URI1: variants seen among roughly 807,000 people sequenced by gnomAD.
URI1 encodes unconventional prefoldin RPB5 interactor 1.
Under a neutral mutation model 60.2 loss-of-function variants are expected in URI1, and 39 were observed. The ratio of observed to expected loss-of-function variants is 0.65; its 90% CI spans 0.50 to 0.85. The LOEUF (loss-of-function observed/expected upper bound fraction) is 0.85, where lower values mean the gene tolerates loss of function less well. Among genes scored for constraint, URI1 ranks in the 40% least tolerant of loss-of-function variants. The pLI is 0.00. For synonymous variants in URI1, 251 were observed against 236.8 expected, an observed-to-expected ratio of 1.06 and a Z score of -0.55; for missense variants, 691 against 665.9, an observed-to-expected ratio of 1.04 and a Z score of -0.42.
At chr19:29,982,102 C>T (rs1321620066) in intron 2 of URI1, among the ~76,000 whole-genome samples, 2 of 152,204 alleles carry the variant, frequency 1.3e-5, no homozygotes. Context: ...GTTCCTCAAG[C>T]TGTAGTTTCT....
chr19:29,970,681 T>C (rs1422064508), intron 1 of URI1, among the ~76,000 whole-genome samples: 6 of 152,096 alleles, frequency 3.9e-5, no homozygotes, highest in Admixed American at 3.9e-4. Flanking sequence ...CTTGAAAATG[T>C]AGTAGAAAAA....
intron 1 of URI1, among the ~76,000 whole-genome samples, chr19:29,968,846 C>T (rs2072072748): frequency 6.6e-6 from 1 of 151,786 alleles, no homozygotes; most frequent in African/African-American, 2.4e-5. Flanking sequence ...GCTGGGATTA[C>T]AGGCGTGAGC....
intron 2 of URI1, among the ~76,000 whole-genome samples, chr19:29,976,247 C>T (rs755771938): frequency 5.3e-5 from 8 of 152,162 alleles, no homozygotes; most frequent in Admixed American, 2.0e-4. Flanking sequence ...GAAACAACCA[C>T]CATTTACTTG....
In URI1 at chr19:29,988,818, A is replaced by C. The variant is rs2055706430; in HGVS notation, c.367+2401A>C. 2.0e-5 allele frequency among the ~76,000 whole-genome samples: 3 copies of C among 152,178 alleles called. No individual in the cohort carries two copies. The South Asian group carries it at 6.2e-4, about 32-fold the overall frequency. ...AAATACCTACAAGTGAGATTGTTAG[A>C]TCATATGATAAATGTATGTTCAATT... On this transcript the variant is annotated intron_variant, in intron 4 of 10. Coordinates refer to ENST00000392271, the MANE Select transcript of URI1 (RefSeq NM_003796.3).
At chr19:29,956,915 A>T in intron 1 of URI1, 2 of 1,115,018 alleles carry the variant, frequency 1.8e-6, no homozygotes, top group South Asian at 2.5e-5. Flanking sequence ...CTTTATGATA[A>T]CTGTGCGTCC....
chr19:30,004,752 A>G (rs1354377496), intron 4 of URI1, among the ~76,000 whole-genome samples: 1 of 152,046 alleles, frequency 6.6e-6, no homozygotes, highest in Non-Finnish European at 1.5e-5. Context: ...TTTGTCCAGT[A>G]TTGGGTAGAG....
chr19:30,009,453 G>A (rs1251178884), intron 8 of URI1, 100 bp downstream of exon 8: 14 of 1,136,356 alleles, frequency 1.2e-5, no homozygotes, highest in Non-Finnish European at 1.3e-6. Context: ...TATCATTGTG[G>A]ATAGTGCCAG....
At chr19:29,957,956 TTTG>T (rs1407099353) in intron 1 of URI1, 1 of 152,142 alleles carries the variant, frequency 6.6e-6, no homozygotes, top group South Asian at 2.1e-4. Flanking sequence ...TCTAAAATTT[TTTG>T]TTGTTGTTAA....
intron 1 of URI1, among the ~76,000 whole-genome samples, chr19:29,962,124 T>A (rs1170158178): frequency 6.6e-6 from 1 of 152,208 alleles, no homozygotes; most frequent in East Asian, 1.9e-4. Context: ...TCACAAGGGT[T>A]CCAGTCCACA....
At chr19:29,972,315 T>G (rs1156484130) in intron 2 of URI1, among the ~76,000 whole-genome samples, 1 of 152,108 alleles carries the variant, frequency 6.6e-6, no homozygotes, top group Non-Finnish European at 1.5e-5. Flanking sequence ...GTGGTGTAAG[T>G]GTGTTAGCAT....
upstream of URI1, among the ~76,000 whole-genome samples, chr19:29,941,430 G>C (rs1802034635): frequency 6.6e-6 from 1 of 152,052 alleles, no homozygotes. Context: ...AGACCAGCCT[G>C]GGCAACATAG....
At chr19:29,983,265 G>A (rs1188297607) in intron 2 of URI1, 1 of 152,180 alleles carries the variant, frequency 6.6e-6, no homozygotes, top group Non-Finnish European at 1.5e-5. Context: ...TGATAGAGGA[G>A]ATCTGGCTTC....
At chr19:29,986,112 T>G (rs974114291) in intron 3 of URI1, among the ~76,000 whole-genome samples, 170 bp from the exon 4 acceptor site, 5 of 152,238 alleles carry the variant, frequency 3.3e-5, no homozygotes, top group African/African-American at 4.8e-5. Context: ...TAGATTTTCC[T>G]AGTAAAATTT....
Position 29,942,521 on chromosome 19 carries a change from C to G in URI1, c.-27C>G, listed in dbSNP as rs976372415. The G allele has an allele frequency of 7.4e-7, 1 of 1,354,118 alleles. No homozygotes were observed. The highest frequency in any genetic ancestry group is 3.3e-5 in the Admixed American group (1 of 30,352). 83.9% of individuals were successfully genotyped at this position (1,354,118 alleles called of 1,614,324 possible). ...CGCAGGCGCTGGTTCAGGACTCACACGCCGCGCTGAGGCCCGCGGGCCCGT... is the reference window on the plus strand; with the variant it reads ...CGCAGGCGCTGGTTCAGGACTCACAGGCCGCGCTGAGGCCCGCGGGCCCGT... On this transcript the variant is annotated 5_prime_UTR_variant, in exon 1 of 11. Transcript: ENST00000392271.
intron 1 of URI1, among the ~76,000 whole-genome samples, chr19:29,954,813 C>T (rs1423424742): frequency 2.6e-5 from 4 of 152,036 alleles, no homozygotes; most frequent in Non-Finnish European, 5.9e-5. Flanking sequence ...CCACCACAGC[C>T]GGCCTAGATA....
In URI1 at chr19:29,942,583, C is replaced by T; in HGVS notation, c.36C>T (p.Pro12=). The change falls in exon 1 of 11, where the codon CCC becomes CCT. Residue 12 remains proline, a synonymous_variant. Transcript: ENST00000392271. The stretch of plus-strand genomic sequence containing the variant: ...CCACCGTGGAGACGCCCCCCGACCC[C>T]TCGCCCCCTTCGGCCCCGGCCCCTG... ...EAPTVETPPD[P]SPPSAPAPAL... is the part of the protein sequence containing the mutation. 1 of 1,428,052 alleles carries T rather than the reference C, an allele frequency of 7.0e-7. No individual in the cohort carries two copies. Among genetic ancestry groups the T allele is most frequent in the South Asian group, 1.4e-5 (1 of 71,224 alleles). The allele number at this position is 1,428,052 out of a possible 1,614,324, so 88.5% of individuals were successfully genotyped here.
At chr19:29,987,201 C>G (rs1322306124) in intron 4 of URI1, among the ~76,000 whole-genome samples, 1 of 152,124 alleles carries the variant, frequency 6.6e-6, no homozygotes, top group Non-Finnish European at 1.5e-5. Context: ...GCTTTTTAAC[C>G]TTTTAGTTAA....
At chr19:29,989,928 A>G (rs181003563) in intron 4 of URI1, among the ~76,000 whole-genome samples, 27 of 152,058 alleles carry the variant, frequency 1.8e-4, no homozygotes, top group East Asian at 5.8e-4. Context: ...AATGGATCAT[A>G]TGTGTGGTGT....
chr19:29,973,325 C>T (rs1161178793), intron 2 of URI1, among the ~76,000 whole-genome samples: 1 of 152,128 alleles, frequency 6.6e-6, no homozygotes, highest in Non-Finnish European at 1.5e-5. Flanking sequence ...GAAGCAACTA[C>T]AGGAGTTCAG....
Sources: allele counts gnomAD v4.1 joint callset (sites outside exome capture counted in the v4.1 genomes callset), GRCh38; gene constraint gnomAD v4.1.1; transcripts MANE v1.5; gene names NCBI Gene and HGNC (gene_info 2026-07-23, HGNC 2026-07-21).